The following CDK8 variants were observed in gnomAD, a reference collection of about 807,000 sequenced individuals.
CDK8 encodes the protein cyclin dependent kinase 8.
In CDK8, 29 loss-of-function variants were observed where a neutral mutation model predicts 71.5. That is an observed-to-expected ratio of 0.41 (90% CI 0.30 to 0.55). The LOEUF (loss-of-function observed/expected upper bound fraction) is 0.55, where lower values mean the gene tolerates loss of function less well. CDK8 is among the 20% of genes least tolerant of loss of function. The pLI is 0.37. For synonymous variants in CDK8, 161 were observed against 192.1 expected, an observed-to-expected ratio of 0.84 and a Z score of 1.34; for missense variants, 288 against 572.6, an observed-to-expected ratio of 0.50 and a Z score of 5.07.
intron 4 of CDK8, chr13:26,359,882 A>G (rs568588830): frequency 4.7e-6 from 1 of 214,330 alleles, no homozygotes; most frequent in African/African-American, 2.4e-5. Context: ...CATCCGGCCA[A>G]TTTTTGTATT....
intron 4 of CDK8, among the ~76,000 whole-genome samples, chr13:26,369,903 T>C (rs920483563): frequency 1.3e-5 from 2 of 152,058 alleles, no homozygotes; most frequent in East Asian, 1.9e-4. Flanking sequence ...GTAATTGTTA[T>C]GCTATTTAGA....
chr13:26,353,345 G>C (rs1205303453), intron 3 of CDK8, among the ~76,000 whole-genome samples: 1 of 151,030 alleles, frequency 6.6e-6, no homozygotes, highest in Non-Finnish European at 1.5e-5. Context: ...GTCATAAATA[G>C]GTTCTAATTC....
At chr13:26,378,302 T>C (rs575444388) in intron 4 of CDK8, among the ~76,000 whole-genome samples, 2 of 152,302 alleles carry the variant, frequency 1.3e-5, no homozygotes, top group South Asian at 4.1e-4. Flanking sequence ...CCTTGGTGTA[T>C]GCCAAAATCA....
chr13:26,254,713 C>G lies in CDK8; in HGVS notation c.72C>G (p.Gly24=). 1.9e-6 allele frequency: 3 copies of G among 1,612,854 alleles called. No homozygotes were observed. Among genetic ancestry groups the G allele is most frequent in the Non-Finnish European group, 2.5e-6 (3 of 1,179,454 alleles). Residue 24 remains glycine, a synonymous_variant, in exon 1 of 13, where the codon GGC becomes GGG. Coordinates refer to ENST00000381527, the MANE Select transcript of CDK8 (RefSeq NM_001260.3). The surrounding 1 kb of genome is among the most constrained non-coding windows in gnomAD (Gnocchi z 6.7). ...ERVEDLFEYE[G]CKVGRGTYGH... Reference sequence around the variant, plus strand: ...TCGAGGACCTGTTTGAATACGAGGGCTGCAAAGTTGGCCGAGGCACTTATG... The same window carrying G: ...TCGAGGACCTGTTTGAATACGAGGGGTGCAAAGTTGGCCGAGGCACTTATG...
chr13:26,283,477 A>C (rs1373661830), intron 1 of CDK8, among the ~76,000 whole-genome samples: 1 of 151,872 alleles, frequency 6.6e-6, no homozygotes, highest in Non-Finnish European at 1.5e-5. Flanking sequence ...GCGTGGTGGC[A>C]CGTGCCTGTA....
intron 1 of CDK8, among the ~76,000 whole-genome samples, chr13:26,296,532 C>G (rs1208727693): frequency 2.0e-5 from 3 of 152,104 alleles, no homozygotes; most frequent in African/African-American, 7.2e-5. Flanking sequence ...ACTGATGGGC[C>G]AAAATGGGCT....
intron 1 of CDK8, among the ~76,000 whole-genome samples, chr13:26,271,923 G>A (rs562335606): frequency 6.7e-5 from 10 of 149,228 alleles, no homozygotes; most frequent in African/African-American, 2.5e-4. Flanking sequence ...GTTGCTCTGG[G>A]TGAGTCAGTG....
chr13:26,387,807 G>A (rs1203104393), intron 6 of CDK8, among the ~76,000 whole-genome samples: 1 of 152,086 alleles, frequency 6.6e-6, no homozygotes, highest in Non-Finnish European at 1.5e-5. Context: ...CCTTTTCAGA[G>A]AGAACTTCCC....
At chr13:26,257,913 TGTGTGTGTGAGA>T (rs890836695) in intron 1 of CDK8, among the ~76,000 whole-genome samples, 2 of 140,022 alleles carry the variant, frequency 1.4e-5, no homozygotes, top group African/African-American at 6.4e-5. Context: ...TGTGTGTGTG[TGTGTGTGTGAGA>T]GAGAGAGAGA....
intron 1 of CDK8, among the ~76,000 whole-genome samples, chr13:26,273,419 G>C (rs1184531059): frequency 2.0e-5 from 3 of 152,014 alleles, no homozygotes; most frequent in Non-Finnish European, 4.4e-5. Flanking sequence ...TATAATGTTG[G>C]ATATGTTAGA....
chr13:26,358,629 C>G (rs1180448070), intron 4 of CDK8, among the ~76,000 whole-genome samples: 4 of 152,156 alleles, frequency 2.6e-5, no homozygotes, highest in African/African-American at 9.7e-5. Flanking sequence ...TCCAGCAGTT[C>G]CACTTCTTGG....
intron 1 of CDK8, among the ~76,000 whole-genome samples, chr13:26,289,461 A>T (rs762323402): frequency 2.0e-5 from 3 of 152,130 alleles, no homozygotes; most frequent in Non-Finnish European, 4.4e-5. Context: ...ATTGTTTGTT[A>T]CTTTAATTTT....
intron 1 of CDK8, among the ~76,000 whole-genome samples, chr13:26,317,101 G>T (rs927297615): frequency 6.6e-6 from 1 of 152,162 alleles, no homozygotes; most frequent in African/African-American, 2.4e-5. Context: ...AGGTTTAAGC[G>T]ACCTGTGTGA....
intron 1 of CDK8, among the ~76,000 whole-genome samples, chr13:26,257,938 C>G (rs979639799): frequency 2.0e-5 from 3 of 150,286 alleles, no homozygotes; most frequent in African/African-American, 4.9e-5. Flanking sequence ...GAGAGAGATA[C>G]TGCCAACTTT....
chr13:26,374,220 G>A (rs1874839894), intron 4 of CDK8, among the ~76,000 whole-genome samples: 1 of 151,602 alleles, frequency 6.6e-6, no homozygotes, highest in Admixed American at 6.6e-5. Flanking sequence ...TTCATGAATA[G>A]ATTCATGCGA....
chr13:26,346,671 A>C (rs1407095163), intron 2 of CDK8, among the ~76,000 whole-genome samples: 5 of 152,230 alleles, frequency 3.3e-5, no homozygotes, highest in Non-Finnish European at 7.3e-5. Flanking sequence ...GGTCAATTTT[A>C]GATATTAGCG....
At chr13:26,304,954 C>T (rs1873980481) in intron 1 of CDK8, among the ~76,000 whole-genome samples, 1 of 152,088 alleles carries the variant, frequency 6.6e-6, no homozygotes, top group Non-Finnish European at 1.5e-5. Context: ...AGGTGTGAGC[C>T]ACTGTGCTTG....
intron 1 of CDK8, among the ~76,000 whole-genome samples, chr13:26,262,857 CTTCTA>C (rs1395525596): frequency 6.7e-6 from 1 of 150,112 alleles, no homozygotes; most frequent in East Asian, 1.9e-4. Flanking sequence ...TTTAGACTAA[CTTCTA>C]TTCAAGGTAA....
At chr13:26,311,812 A>G (rs1322625961) in intron 1 of CDK8, among the ~76,000 whole-genome samples, 2 of 152,162 alleles carry the variant, frequency 1.3e-5, no homozygotes, top group African/African-American at 4.8e-5. Context: ...TTCTGAACCA[A>G]TCACAGGCAA....
Sources: allele counts gnomAD v4.1 joint callset (sites outside exome capture counted in the v4.1 genomes callset), GRCh38; gene constraint gnomAD v4.1.1; non-coding constraint Gnocchi (gnomAD v3.1); transcripts MANE v1.5; gene names NCBI Gene and HGNC (gene_info 2026-07-23, HGNC 2026-07-21).